Variants in PIEZO1 observed in about 807,000 individuals in gnomAD.
PIEZO1 encodes the protein piezo type mechanosensitive ion channel component 1 (Er blood group).
In PIEZO1, 296 loss-of-function variants were observed where a neutral mutation model predicts 297.2. That is an observed-to-expected ratio of 1.00 (90% CI 0.91 to 1.10). The LOEUF (loss-of-function observed/expected upper bound fraction) is 1.10. PIEZO1 is among the 50% of genes least tolerant of loss of function. The pLI is 0.00. For synonymous variants in PIEZO1, 2,427 were observed against 1,507.5 expected, an observed-to-expected ratio of 1.61 and a Z score of -14.13; for missense variants, 5,018 against 3,455.5, an observed-to-expected ratio of 1.45 and a Z score of -11.34.
intron 50 of PIEZO1, 38 bp downstream of exon 50, chr16:88,715,895 C>T: frequency 5.2e-6 from 8 of 1,538,890 alleles, no homozygotes; most frequent in Middle Eastern, 1.7e-4. Context: ...GCCCGGAGCC[C>T]CCCGAGCTGC....
intron 9 of PIEZO1, 26 bp downstream of exon 9, chr16:88,737,702 G>A: frequency 6.5e-7 from 1 of 1,534,334 alleles, no homozygotes; most frequent in Non-Finnish European, 8.7e-7. Flanking sequence ...CCCCACGCTG[G>A]CGTCTCCACC....
chr16:88,721,605 G>T lies in PIEZO1; in HGVS notation c.5336C>A (p.Thr1779Asn). Residue 1779 changes from threonine (T) to asparagine (N), a missense_variant, in exon 38 of 51, where the codon ACT (threonine) becomes AAT (asparagine). Physicochemically the swap from Thr to Asn is moderately conservative, Grantham distance 65. Transcript: ENST00000301015. ...CAGGTCGTACTTGATGTAGCCGTCA[G>T]TCTTCTCCAGGCCCAGGATGCGGGG... ...FPPRILGLEK[T>N]DGYIKYDLVQ... 2 of 1,550,320 alleles carry T rather than the reference G, an allele frequency of 1.3e-6. No individual in the cohort carries two copies. The highest frequency in any genetic ancestry group is 1.7e-6 in the Non-Finnish European group (2 of 1,146,930).
At chr16:88,731,525 C>T (rs1322151334) in intron 22 of PIEZO1, 181 bp downstream of exon 22, 5 of 590,144 alleles carry the variant, frequency 8.5e-6, no homozygotes, top group African/African-American at 1.9e-5. Flanking sequence ...GCCAGGCCGC[C>T]CCCGAGAGAC....
In PIEZO1 at chr16:88,720,536, C is replaced by G. The variant is rs149342271; in HGVS notation, c.5802-4G>C. On this transcript the variant is annotated splice_polypyrimidine_tract_variant and splice_region_variant and intron_variant, in intron 40 of 50. Transcript: ENST00000301015. ...CGGCCGATATGTGCCCTGGGCCCTG[C>G]GGAAGGGGGCGCTCAGCCTGGGCCC... The G allele has an allele frequency of 1.0e-5, 16 of 1,549,318 alleles. No homozygotes were observed. In the African/African-American group the frequency reaches 1.5e-4, roughly 15 times the overall value.
At position 88,721,320 on chromosome 16, in the gene PIEZO1, G is replaced by T. The variant is rs897006864; in HGVS notation, c.5514C>A (p.Thr1838=). 1.9e-6 allele frequency: 3 copies of T among 1,546,478 alleles called. No individual in the cohort carries two copies. Among genetic ancestry groups the T allele is most frequent in the Non-Finnish European group, 1.7e-6 (2 of 1,146,740 alleles). Reference sequence around the variant, plus strand: ...TGGCTTCCACCTGAATGTGGTCTTCGGTGGTGGCCGCAGGCACCCCTGGCC... The same window carrying T: ...TGGCTTCCACCTGAATGTGGTCTTCTGTGGTGGCCGCAGGCACCCCTGGCC... ...EEGPGVPAAT[T]EDHIQVEARV... is the part of the protein sequence containing the mutation. Residue 1838 remains threonine, a synonymous_variant, in exon 39 of 51, where the codon ACC becomes ACA. Transcript: ENST00000301015.
intron 22 of PIEZO1, 55 bp from the exon 23 acceptor site, chr16:88,727,716 A>T: frequency 1.2e-6 from 1 of 858,416 alleles, no homozygotes; most frequent in Non-Finnish European, 1.7e-6. Context: ...GGCCTGAGAC[A>T]CCCGGTCCCC....
At chr16:88,779,806 C>T (rs978791020) in intron 1 of PIEZO1, among the ~76,000 whole-genome samples, 5 of 152,256 alleles carry the variant, frequency 3.3e-5, no homozygotes, top group East Asian at 1.9e-4. Flanking sequence ...CATGGAGGCC[C>T]GACGGACCCC....
At chr16:88,738,504 T>A in intron 6 of PIEZO1, 64 bp from the exon 7 acceptor site, 1 of 1,466,658 alleles carries the variant, frequency 6.8e-7, no homozygotes, top group South Asian at 1.2e-5. Flanking sequence ...GTCTCCACAG[T>A]CATCAGGGAA....
rs540216412 is a variant in PIEZO1, at chr16:88,759,265, G to A, written c.65-9786C>T. ...GGGCTAGAACCTGGGCCTCCTGGCC[G>A]GGGCAGGCACCTTGCTAGGTCTTGA... is the stretch of plus-strand genomic sequence containing the variant. On this transcript the variant is annotated intron_variant, in intron 1 of 50. Transcript: ENST00000301015. 2.4e-4 allele frequency among the ~76,000 whole-genome samples: 37 copies of A among 152,330 alleles called. 2 individuals carry two copies. The South Asian group carries it at 5.4e-3, about 22-fold the overall frequency.
At position 88,785,071 on chromosome 16, in the gene PIEZO1, C is replaced by A; in HGVS notation, c.-107G>T. The A allele has an allele frequency of 1.7e-6, 1 of 603,452 alleles. No homozygotes were observed. Among genetic ancestry groups the A allele is most frequent in the Non-Finnish European group, 2.3e-6 (1 of 435,214 alleles). The allele number at this position is 603,452 out of a possible 1,614,324, so 37.4% of individuals were successfully genotyped here. ...GCCATGGCTGACCCGCGGGGACCCG[C>A]GCGCCGCCTTCTCCTCTTCCTCCTT... On this transcript the variant is annotated 5_prime_UTR_variant, in exon 1 of 51. Coordinates refer to ENST00000301015, the MANE Select transcript of PIEZO1 (RefSeq NM_001142864.4).
chr16:88,737,543 A>T lies in PIEZO1; in HGVS notation c.1195+16T>A, dbSNP rs986546206. On this transcript the variant is annotated intron_variant, in intron 10 of 50. Transcript: ENST00000301015. The stretch of plus-strand genomic sequence containing the variant: ...CCCCCCGCACCCAGCCATACCTTGC[A>T]GTGTGCGGTACTCACCAGGCCGCCG... 4.7e-6 allele frequency: 7 copies of T among 1,500,314 alleles called. No individual in the cohort carries two copies. The highest frequency in any genetic ancestry group is 5.4e-6 in the Non-Finnish European group (6 of 1,116,686). The allele number at this position is 1,500,314 out of a possible 1,614,324, so 92.9% of individuals were successfully genotyped here.
Position 88,737,622 on chromosome 16 carries a change from T to C in PIEZO1, c.1132A>G (p.Thr378Ala), listed in dbSNP as rs1905318408. ...DQHVVPTAPD[T>A]EADNCIVHEL... is the part of the protein sequence containing the mutation. ...TGCACGATGCAGTTATCAGCCTCGGTGTCGGGTGCTGTGGGCACCACGTGC... is the reference window on the plus strand; with the variant it reads ...TGCACGATGCAGTTATCAGCCTCGGCGTCGGGTGCTGTGGGCACCACGTGC... Residue 378 changes from threonine (T) to alanine (A), a missense_variant, in exon 10 of 51, where the codon ACC becomes GCC. Physicochemically the swap from Thr to Ala is moderately conservative, Grantham distance 58 (BLOSUM62 0). Transcript: ENST00000301015. The C allele has an allele frequency of 6.5e-7, 1 of 1,534,572 alleles. No homozygotes were observed.
intron 31 of PIEZO1, 83 bp downstream of exon 31, chr16:88,723,788 C>A: frequency 2.7e-6 from 2 of 741,692 alleles, no homozygotes; most frequent in Non-Finnish European, 2.3e-6. Context: ...GCCCTGGGGG[C>A]ATCTGACACC....
rs1423776571 is a variant in PIEZO1, at chr16:88,720,546, C to T, written c.5802-14G>A. On this transcript the variant is annotated splice_polypyrimidine_tract_variant and intron_variant, in intron 40 of 50. Transcript: ENST00000301015. ...GTGCCCTGGGCCCTGCGGAAGGGGG[C>T]GCTCAGCCTGGGCCCAGTACCCGCC... The T allele has an allele frequency of 5.2e-6, 8 of 1,548,990 alleles. No individual in the cohort carries two copies. The highest frequency in any genetic ancestry group is 4.1e-5 in the African/African-American group (3 of 73,010).
chr16:88,724,745 T>C (rs1904317414), intron 30 of PIEZO1, among the ~76,000 whole-genome samples: 1 of 152,008 alleles, frequency 6.6e-6, no homozygotes, highest in Non-Finnish European at 1.5e-5. Flanking sequence ...CCAGGTGAGA[T>C]CGCTGCTCGA....
chr16:88,722,015 C>T lies in PIEZO1; in HGVS notation c.5007G>A (p.Gln1669=), dbSNP rs1597445467. The T allele has an allele frequency of 6.5e-7, 1 of 1,548,678 alleles. No homozygotes were observed. Among genetic ancestry groups the T allele is most frequent in the South Asian group, 1.2e-5 (1 of 83,964 alleles). The part of the protein sequence containing the change: ...LEEAELFAEG[Q]GRALRLLRAV... Reference sequence around the variant, plus strand: ...CCCGCAGCAGCCGCAGCGCCCGGCCCTGCCCCTCCGCAAACAGCTCTGCCT... The same window carrying T: ...CCCGCAGCAGCCGCAGCGCCCGGCCTTGCCCCTCCGCAAACAGCTCTGCCT... Residue 1669 remains glutamine, a synonymous_variant, in exon 37 of 51, where the codon CAG becomes CAA. Coordinates refer to ENST00000301015, the MANE Select transcript of PIEZO1 (RefSeq NM_001142864.4).
chr16:88,725,099 A>G lies in PIEZO1; in HGVS notation c.4163-19T>C, dbSNP rs1904331361. ...TCGGGCCCTGTGGAGGGGCAGGGTG[A>G]GCATGAGGCAGCAGTCAAGCCACCA... On this transcript the variant is annotated intron_variant, in intron 29 of 50. Coordinates refer to ENST00000301015, the MANE Select transcript of PIEZO1 (RefSeq NM_001142864.4). The G allele has an allele frequency of 6.7e-7, 1 of 1,490,832 alleles. No individual in the cohort carries two copies. Among genetic ancestry groups the G allele is most frequent in the African/African-American group, 1.4e-5 (1 of 69,816 alleles). 92.4% of individuals were successfully genotyped at this position (1,490,832 alleles called of 1,614,324 possible). A position where few individuals can be genotyped will look rare whatever the true frequency, so the allele number is the denominator to read the frequency against.
rs1905433463 is a variant in PIEZO1 at position 88,738,741 on chromosome 16, C to G, written c.466-5G>C. ...CACATCCCTCTCATCATCATCCTGC[C>G]AAGGTCACGGACAGGGGCAAGGTCA... is the stretch of plus-strand genomic sequence containing the variant. On this transcript the variant is annotated splice_region_variant and splice_polypyrimidine_tract_variant and intron_variant, in intron 5 of 50. Transcript: ENST00000301015. 6.5e-7 allele frequency: 1 copy of G among 1,526,924 alleles called. No homozygotes were observed. The highest frequency in any genetic ancestry group is 2.5e-5 in the East Asian group (1 of 40,660). 94.6% of individuals were successfully genotyped at this position (1,526,924 alleles called of 1,614,324 possible). A position where few individuals can be genotyped will look rare whatever the true frequency, so the allele number is the denominator to read the frequency against.
At chr16:88,777,920 G>A (rs1281924326) in intron 1 of PIEZO1, among the ~76,000 whole-genome samples, 6 of 152,212 alleles carry the variant, frequency 3.9e-5, no homozygotes, top group East Asian at 1.9e-4. Context: ...CCCCTCCTTT[G>A]ACGCCCCTCC....
Sources: allele counts gnomAD v4.1 joint callset (sites outside exome capture counted in the v4.1 genomes callset), GRCh38; gene constraint gnomAD v4.1.1; transcripts MANE v1.5; gene names NCBI Gene and HGNC (gene_info 2026-07-23, HGNC 2026-07-21).